Variants in AHI1 observed in about 807,000 individuals in gnomAD.
AHI1 encodes the protein jouberin.
Under a neutral mutation model 149.3 loss-of-function variants are expected in AHI1, and 123 were observed. The ratio of observed to expected loss-of-function variants is 0.82; its 90% CI spans 0.71 to 0.96. AHI1 has a LOEUF of 0.96. Among genes scored for constraint, AHI1 ranks in the 40% least tolerant of loss-of-function variants. AHI1 has a pLI of 0.00. For missense variants in AHI1, 1,439 were observed against 1,422.7 expected (o/e 1.01, Z -0.18); for synonymous variants, 475 against 459.8 (o/e 1.03, Z -0.42).
chr6:135,363,039 ATT>A (rs1431065502), intron 23 of AHI1, among the ~76,000 whole-genome samples: 1 of 147,360 alleles, frequency 6.8e-6, no homozygotes, highest in African/African-American at 2.5e-5. Context: ...ATTTTATTTT[ATT>A]TTATTATTAT....
At chr6:135,321,962 T>C (rs905170966) in intron 25 of AHI1, among the ~76,000 whole-genome samples, 1 of 152,128 alleles carries the variant, frequency 6.6e-6, no homozygotes, top group Non-Finnish European at 1.5e-5. Context: ...CCACCACGCC[T>C]GGCTCATTTT....
chr6:135,291,601 A>G (rs975025036), intron 27 of AHI1, among the ~76,000 whole-genome samples: 1 of 152,154 alleles, frequency 6.6e-6, no homozygotes, highest in Non-Finnish European at 1.5e-5. Flanking sequence ...CTGTGTGAAA[A>G]TAAGTTTCTG....
chr6:135,311,625 T>A (rs1437466394), intron 26 of AHI1, among the ~76,000 whole-genome samples: 1 of 152,132 alleles, frequency 6.6e-6, no homozygotes, highest in Non-Finnish European at 1.5e-5. Context: ...ATCATAAAGG[T>A]TAATGCTTAG....
intron 24 of AHI1, among the ~76,000 whole-genome samples, chr6:135,333,620 A>C (rs1426074598): frequency 6.6e-6 from 1 of 152,258 alleles, no homozygotes; most frequent in Admixed American, 6.5e-5. Context: ...TGTATAATGC[A>C]ACGATAAGTG....
At chr6:135,345,565 G>C (rs1412755950) in intron 24 of AHI1, among the ~76,000 whole-genome samples, 2 of 152,040 alleles carry the variant, frequency 1.3e-5, no homozygotes, top group African/African-American at 4.8e-5. Context: ...AAAAAAGACA[G>C]ACACAAAAGG....
chr6:135,467,163 C>T (rs1790900179), intron 6 of AHI1, among the ~76,000 whole-genome samples: 1 of 151,998 alleles, frequency 6.6e-6, no homozygotes, highest in Admixed American at 6.6e-5. Flanking sequence ...AGGTATAATT[C>T]CCATAAACTG....
At chr6:135,380,963 A>G (rs1228082463) in intron 23 of AHI1, among the ~76,000 whole-genome samples, 1 of 152,160 alleles carries the variant, frequency 6.6e-6, no homozygotes, top group African/African-American at 2.4e-5. Flanking sequence ...ATCCAAAGCA[A>G]AGAGAAGTTA....
intron 20 of AHI1, among the ~76,000 whole-genome samples, chr6:135,413,422 G>A (rs747590101): frequency 9.2e-5 from 14 of 151,552 alleles, no homozygotes; most frequent in Non-Finnish European, 2.1e-4. Flanking sequence ...AATGGAGTAG[G>A]GACTAGATTT....
At chr6:135,492,895 A>G in intron 3 of AHI1, 1 of 984,720 alleles carries the variant, frequency 1.0e-6, no homozygotes, top group Non-Finnish European at 1.2e-6. Flanking sequence ...TTATTAAAAA[A>G]ATCGGTGTAT....
rs1296161102 is a variant in AHI1 at position 135,388,004 on chromosome 6, TACA to T, written c.3109+6769_3109+6771del. On this transcript the variant is annotated intron_variant, in intron 23 of 28. Coordinates refer to ENST00000265602, the MANE Select transcript of AHI1 (RefSeq NM_001134831.2). ...GTCTAGTGCTTTTTCCACCATAATA[TACA>T]TGTGTTGAATTCAGCAAAGTGACTG... 38 of 1,613,646 alleles carry T rather than the reference TACA, an allele frequency of 2.4e-5. No individual in the cohort carries two copies. The Admixed American group carries it at 6.0e-4, about 25-fold the overall frequency.
intron 6 of AHI1, among the ~76,000 whole-genome samples, chr6:135,466,690 T>C (rs1340159885): frequency 8.4e-6 from 1 of 119,582 alleles, no homozygotes; most frequent in Non-Finnish European, 1.9e-5. Flanking sequence ...ATTTTCCTCA[T>C]GATCTACACT....
At chr6:135,451,306 T>C (rs1167615831) in intron 11 of AHI1, among the ~76,000 whole-genome samples, 1 of 152,138 alleles carries the variant, frequency 6.6e-6, no homozygotes, top group Non-Finnish European at 1.5e-5. Flanking sequence ...TGCCACTTTC[T>C]TGAAGATGAA....
intron 24 of AHI1, among the ~76,000 whole-genome samples, chr6:135,327,717 G>A (rs753323319): frequency 6.6e-5 from 10 of 152,046 alleles, no homozygotes; most frequent in Admixed American, 1.3e-4. Context: ...TAGGTCTTAT[G>A]AGCAATCAGA....
intron 26 of AHI1, chr6:135,302,362 G>T: frequency 1.0e-6 from 1 of 990,304 alleles, no homozygotes. Context: ...CCAGTGTTAA[G>T]CCAATGTTAC....
intron 5 of AHI1, among the ~76,000 whole-genome samples, chr6:135,468,043 A>C (rs1791068123): frequency 6.6e-6 from 1 of 152,210 alleles, no homozygotes; most frequent in South Asian, 2.1e-4. Flanking sequence ...AAAAGTAGTT[A>C]AAAAATATCC....
chr6:135,394,998 T>C (rs1297675724), intron 22 of AHI1, 102 bp from the exon 23 acceptor site: 2 of 1,224,958 alleles, frequency 1.6e-6, no homozygotes, highest in Admixed American at 2.2e-5. Flanking sequence ...CCAGGACACA[T>C]GATAGGTCAA....
chr6:135,412,047 G>C (rs1042287639), intron 20 of AHI1, among the ~76,000 whole-genome samples: 171 of 151,958 alleles, frequency 1.1e-3, no homozygotes, highest in African/African-American at 3.9e-3. Flanking sequence ...ATGTTTTACA[G>C]TATCTCATTT....
At position 135,283,720 on chromosome 6, in the gene AHI1, TACTTTGTCAGCGAGACAAAG is replaced by T. The variant is rs1180827961; in HGVS notation, c.*1905_*1924del. 6.6e-6 allele frequency: 1 copy of T among 152,176 alleles called. No individual in the cohort carries two copies. The highest frequency in any genetic ancestry group is 1.5e-5 in the Non-Finnish European group (1 of 68,028). The allele number at this position is 152,176 out of a possible 1,614,324, so 9.4% of individuals were successfully genotyped here. On this transcript the variant is annotated 3_prime_UTR_variant, in exon 29 of 29. Coordinates refer to ENST00000265602, the MANE Select transcript of AHI1 (RefSeq NM_001134831.2). The stretch of plus-strand genomic sequence containing the variant: ...CTATTCATGAACATAACCCTAGTCT[TACTTTGTCAGCGAGACAAAG>T]GGGAAAAGGACTGGGCTTTCAGTAG...
chr6:135,471,266 A>T (rs1179221174), intron 5 of AHI1, among the ~76,000 whole-genome samples: 1 of 152,210 alleles, frequency 6.6e-6, no homozygotes, highest in Non-Finnish European at 1.5e-5. Context: ...TTGCACTAAT[A>T]ACATTAATTT....
Sources: gnomAD v4.1 joint callset for allele counts (sites outside exome capture counted in the v4.1 genomes callset) on GRCh38, gnomAD v4.1.1 for gene constraint, MANE v1.5 for transcripts, NCBI Gene and HGNC (gene_info 2026-07-23, HGNC 2026-07-21) for gene names.